The following ZBTB44 variants were observed in gnomAD, a reference collection of about 807,000 sequenced individuals.
The protein encoded by ZBTB44 is zinc finger and BTB domain-containing protein 44.
Under a neutral mutation model 54.0 loss-of-function variants are expected in ZBTB44, and 15 were observed. The observed-to-expected ratio is 0.28, with a 90% CI of 0.19 to 0.43. The LOEUF (loss-of-function observed/expected upper bound fraction) is 0.43, where lower values mean the gene tolerates loss of function less well. Among genes scored for constraint, ZBTB44 ranks in the 20% least tolerant of loss-of-function variants. The pLI, the probability that ZBTB44 is intolerant of heterozygous loss-of-function variation, is 1.00. For synonymous variants in ZBTB44, 230 were observed against 250.1 expected (o/e 0.92, Z 0.76); for missense variants, 487 against 707.1 (o/e 0.69, Z 3.53).
At chr11:130,290,723 A>G (rs1941250618) in intron 1 of ZBTB44, among the ~76,000 whole-genome samples, 1 of 152,208 alleles carries the variant, frequency 6.6e-6, no homozygotes, top group African/African-American at 2.4e-5. Context: ...CCTACACTCT[A>G]TCACATCTGA....
intron 1 of ZBTB44, among the ~76,000 whole-genome samples, chr11:130,273,671 A>G (rs111268114): frequency 0.013 from 1,973 of 152,316 alleles, 47 homozygotes; most frequent in African/African-American, 0.045. Context: ...ATGTTTGTAT[A>G]CTGGTTTTAT....
intron 1 of ZBTB44, among the ~76,000 whole-genome samples, chr11:130,288,858 C>G (rs112877292): frequency 0.013 from 1,937 of 151,056 alleles, 47 homozygotes; most frequent in African/African-American, 0.045. Context: ...GATCACACCA[C>G]TGCACTCCAG....
chr11:130,303,034 G>C (rs986556557), intron 1 of ZBTB44, among the ~76,000 whole-genome samples: 5 of 152,090 alleles, frequency 3.3e-5, no homozygotes, highest in Non-Finnish European at 7.4e-5. Context: ...CTAAGTCCCT[G>C]AAAAACTTAT....
intron 2 of ZBTB44, among the ~76,000 whole-genome samples, chr11:130,251,802 G>A (rs553826058): frequency 2.0e-5 from 3 of 152,152 alleles, no homozygotes; most frequent in Non-Finnish European, 4.4e-5. Flanking sequence ...ACTGGTACCA[G>A]CCACTGCAAA....
chr11:130,235,737 C>T (rs577095008), intron 5 of ZBTB44, among the ~76,000 whole-genome samples: 13 of 152,070 alleles, frequency 8.5e-5, no homozygotes, highest in Middle Eastern at 3.4e-3. Flanking sequence ...TGGTGGCTCA[C>T]GCCTGTAATC....
At chr11:130,282,725 C>T (rs996655562) in intron 1 of ZBTB44, among the ~76,000 whole-genome samples, 2 of 152,184 alleles carry the variant, frequency 1.3e-5, no homozygotes, top group African/African-American at 2.4e-5. Flanking sequence ...GTAAGAGTGG[C>T]TACCACCTTA....
chr11:130,313,482 T>C (rs1288613953), intron 1 of ZBTB44, among the ~76,000 whole-genome samples: 3 of 152,082 alleles, frequency 2.0e-5, no homozygotes, highest in Middle Eastern at 3.2e-3. Flanking sequence ...ACAGTCCAAG[T>C]GAAGTAATGG....
At chr11:130,262,917 C>T (rs552068987) in intron 1 of ZBTB44, among the ~76,000 whole-genome samples, 6 of 152,146 alleles carry the variant, frequency 3.9e-5, no homozygotes, top group Admixed American at 1.3e-4. Context: ...AAAAATTAGG[C>T]GGGTGTGGTG....
chr11:130,235,447 T>C (rs900807560), intron 5 of ZBTB44, among the ~76,000 whole-genome samples: 3 of 152,122 alleles, frequency 2.0e-5, no homozygotes, highest in African/African-American at 7.2e-5. Context: ...TTAAACAAAA[T>C]GAATGTCTGG....
chr11:130,279,997 A>G (rs1214598501), intron 1 of ZBTB44, among the ~76,000 whole-genome samples: 1 of 152,174 alleles, frequency 6.6e-6, no homozygotes, highest in Non-Finnish European at 1.5e-5. Context: ...CTGCTCTAGG[A>G]GCTGAGTACT....
At chr11:130,294,524 A>T (rs1462774136) in intron 1 of ZBTB44, among the ~76,000 whole-genome samples, 1 of 148,630 alleles carries the variant, frequency 6.7e-6, no homozygotes, top group African/African-American at 2.5e-5. Context: ...GATTTACACA[A>T]AGGTCTATAT....
At chr11:130,301,372 GGCC>G (rs1941977301) in intron 1 of ZBTB44, among the ~76,000 whole-genome samples, 1 of 152,216 alleles carries the variant, frequency 6.6e-6, no homozygotes, top group South Asian at 2.1e-4. Context: ...AACACGTGGA[GGCC>G]GAGTATGCTG....
chr11:130,310,065 T>C (rs953200811), intron 1 of ZBTB44: 3 of 152,014 alleles, frequency 2.0e-5, no homozygotes, highest in Non-Finnish European at 1.5e-5. Context: ...TGTGTAATCT[T>C]AGCACTTTGG....
chr11:130,238,362 C>T (rs1262722828), intron 4 of ZBTB44, 82 bp downstream of exon 4: 3 of 1,396,374 alleles, frequency 2.1e-6, no homozygotes, highest in Non-Finnish European at 2.8e-6. Flanking sequence ...CTCAGAAGCC[C>T]CTGTTTTCTA....
At chr11:130,307,820 G>C (rs949846886) in intron 1 of ZBTB44, among the ~76,000 whole-genome samples, 7 of 152,154 alleles carry the variant, frequency 4.6e-5, no homozygotes, top group African/African-American at 1.7e-4. Context: ...TAACCTTCCA[G>C]GTTCAAGCAA....
intron 1 of ZBTB44, among the ~76,000 whole-genome samples, chr11:130,290,592 T>G (rs1941243534): frequency 6.6e-6 from 1 of 152,232 alleles, no homozygotes; most frequent in Non-Finnish European, 1.5e-5. Context: ...GGCCTTATAT[T>G]AATCTTTACT....
intron 1 of ZBTB44, among the ~76,000 whole-genome samples, chr11:130,303,890 C>T (rs1396909034): frequency 6.6e-6 from 1 of 152,092 alleles, no homozygotes; most frequent in Non-Finnish European, 1.5e-5. Flanking sequence ...ACCCATTTCA[C>T]TCTTGCAAGA....
chr11:130,306,947 T>G (rs1242155148), intron 1 of ZBTB44, among the ~76,000 whole-genome samples: 1 of 151,346 alleles, frequency 6.6e-6, no homozygotes, highest in African/African-American at 2.4e-5. Context: ...CAGCGTACAC[T>G]GCTCAGGTGA....
intron 1 of ZBTB44, among the ~76,000 whole-genome samples, chr11:130,300,120 G>A (rs1438308324): frequency 6.6e-6 from 1 of 152,184 alleles, no homozygotes; most frequent in African/African-American, 2.4e-5. Context: ...CAAATTCAGA[G>A]ACAGAAAAGT....
Sources: gnomAD v4.1 joint callset for allele counts (sites outside exome capture counted in the v4.1 genomes callset) on GRCh38, gnomAD v4.1.1 for gene constraint, MANE v1.5 for transcripts, NCBI Gene and HGNC (gene_info 2026-07-23, HGNC 2026-07-21) for gene names.